The following ARB2A variants were observed in gnomAD, a reference collection of about 807,000 sequenced individuals.
ARB2A encodes the protein ARB2 cotranscriptional regulator A.
the ARB2A span, among the ~76,000 whole-genome samples, chr5:93,727,805 C>A: frequency 6.6e-6 from 1 of 152,002 alleles, no homozygotes; most frequent in Admixed American, 6.6e-5. Flanking sequence ...AAAAATTCAC[C>A]TGCTGAAACA....
At chr5:94,041,102 C>CGG in the ARB2A span, among the ~76,000 whole-genome samples, 1 of 151,802 alleles carries the variant, frequency 6.6e-6, no homozygotes. Context: ...CGGTCTCTCT[C>CGG]TCTCTCTCTC....
the ARB2A span, among the ~76,000 whole-genome samples, chr5:93,673,958 C>T: frequency 6.6e-6 from 1 of 152,078 alleles, no homozygotes; most frequent in Non-Finnish European, 1.5e-5. Flanking sequence ...CATGACTCTT[C>T]AGTATTTTAA....
chr5:93,895,118 T>A, the ARB2A span, among the ~76,000 whole-genome samples: 1 of 152,152 alleles, frequency 6.6e-6, no homozygotes, highest in Non-Finnish European at 1.5e-5. Flanking sequence ...TATCAAACAG[T>A]AATAAAGAGC....
the ARB2A span, among the ~76,000 whole-genome samples, chr5:93,759,823 T>C: frequency 1.3e-5 from 2 of 152,082 alleles, no homozygotes; most frequent in African/African-American, 2.4e-5. Context: ...AGCATTCCCA[T>C]AGAGAACTGG....
the ARB2A span, among the ~76,000 whole-genome samples, chr5:93,884,104 A>T: frequency 6.6e-6 from 1 of 151,654 alleles, no homozygotes; most frequent in African/African-American, 2.4e-5. Context: ...TCAAGGTAAA[A>T]GAGTGGGACT....
chr5:93,881,677 T>C, the ARB2A span: 13 of 1,523,102 alleles, frequency 8.5e-6, no homozygotes, highest in Non-Finnish European at 1.1e-5. Context: ...GTACTATTAC[T>C]CCATATCCTT....
chr5:93,903,051 G>T, the ARB2A span, among the ~76,000 whole-genome samples: 3 of 152,002 alleles, frequency 2.0e-5, no homozygotes, highest in Non-Finnish European at 4.4e-5. Flanking sequence ...ATTCAAGTTG[G>T]GCTAAAGAGC....
the ARB2A span, chr5:94,053,343 T>A: frequency 1.7e-6 from 1 of 572,778 alleles, no homozygotes; most frequent in Non-Finnish European, 3.0e-6. Context: ...TGTGTTGCTT[T>A]AACTGATAAT....
chr5:93,677,461 G>A, the ARB2A span, among the ~76,000 whole-genome samples: 6 of 152,272 alleles, frequency 3.9e-5, no homozygotes, highest in South Asian at 2.1e-4. Flanking sequence ...GATCATAGCC[G>A]CTCAGGCAAG....
At chr5:93,826,599 AT>A in the ARB2A span, among the ~76,000 whole-genome samples, 13 of 151,964 alleles carry the variant, frequency 8.6e-5, no homozygotes, top group East Asian at 3.9e-4. Flanking sequence ...TGTTTTTTTA[AT>A]TTTTTTTATT....
At chr5:93,685,115 T>A in the ARB2A span, among the ~76,000 whole-genome samples, 1 of 152,208 alleles carries the variant, frequency 6.6e-6, no homozygotes, top group South Asian at 2.1e-4. Context: ...ATGACTTACA[T>A]CCTTTTAGAT....
chr5:94,032,082 C>T, the ARB2A span, among the ~76,000 whole-genome samples: 1 of 152,062 alleles, frequency 6.6e-6, no homozygotes, highest in Admixed American at 6.5e-5. Context: ...GAATGGAGCC[C>T]CAACAGAGAA....
At chr5:94,014,440 G>A in the ARB2A span, among the ~76,000 whole-genome samples, 1 of 152,120 alleles carries the variant, frequency 6.6e-6, no homozygotes, top group Non-Finnish European at 1.5e-5. Flanking sequence ...AAGCCAAACA[G>A]AGAAGACTGG....
chr5:93,983,262 A>G, the ARB2A span, among the ~76,000 whole-genome samples: 1 of 151,028 alleles, frequency 6.6e-6, no homozygotes, highest in African/African-American at 2.4e-5. Context: ...GAGGAGTCAG[A>G]GCTCACTGGA....
the ARB2A span, among the ~76,000 whole-genome samples, chr5:93,989,894 CT>C: frequency 6.6e-6 from 1 of 152,176 alleles, no homozygotes; most frequent in South Asian, 2.1e-4. Context: ...TAGCTTTTAT[CT>C]TTTCTTGTTT....
the ARB2A span, among the ~76,000 whole-genome samples, chr5:93,716,397 T>C: frequency 6.6e-6 from 1 of 152,150 alleles, no homozygotes; most frequent in Non-Finnish European, 1.5e-5. Context: ...CTTTGAACTT[T>C]TGGTTCAAGT....
At chr5:93,877,890 C>T in the ARB2A span, among the ~76,000 whole-genome samples, 1 of 152,106 alleles carries the variant, frequency 6.6e-6, no homozygotes, top group Non-Finnish European at 1.5e-5. Flanking sequence ...ACCCCAGCAG[C>T]CTGGCTGTAC....
At chr5:93,755,688 GT>G in the ARB2A span, among the ~76,000 whole-genome samples, 4 of 152,208 alleles carry the variant, frequency 2.6e-5, no homozygotes, top group South Asian at 8.3e-4. Context: ...GGAGAGCCGA[GT>G]GAAATACAGG....
the ARB2A span, among the ~76,000 whole-genome samples, chr5:93,936,201 T>C: frequency 6.6e-6 from 1 of 152,152 alleles, no homozygotes; most frequent in Non-Finnish European, 1.5e-5. Flanking sequence ...TTCTCAAAAC[T>C]ACAGAATATT....
Sources: gnomAD v4.1 joint callset for allele counts (sites outside exome capture counted in the v4.1 genomes callset) on GRCh38, gnomAD v4.1.1 for gene constraint, MANE v1.5 for transcripts, NCBI Gene and HGNC (gene_info 2026-07-23, HGNC 2026-07-21) for gene names.